FRMD4A: variants seen among roughly 807,000 people sequenced by gnomAD.
FRMD4A encodes FERM domain-containing protein 4A.
A neutral mutation model predicts 129.1 loss-of-function variants in FRMD4A; 29 were observed. The observed-to-expected ratio is 0.22, with a 90% CI of 0.17 to 0.31. The LOEUF (loss-of-function observed/expected upper bound fraction) is 0.31, where lower values mean the gene tolerates loss of function less well. Ranked by LOEUF, FRMD4A falls within the 10% of genes least tolerant of loss-of-function variation. The pLI is 1.00. For missense variants in FRMD4A, 1,272 were observed against 1,375.8 expected (o/e 0.92, Z 1.19); for synonymous variants, 634 against 571.6 (o/e 1.11, Z -1.56).
chr10:14,278,791 C>A (rs1306511370), intron 2 of FRMD4A, among the ~76,000 whole-genome samples: 1 of 152,136 alleles, frequency 6.6e-6, no homozygotes, highest in South Asian at 2.1e-4. Context: ...TCGATTTCTT[C>A]CTGTCTGACA....
At chr10:14,187,087 C>A (rs984748997) in intron 2 of FRMD4A, among the ~76,000 whole-genome samples, 8 of 140,450 alleles carry the variant, frequency 5.7e-5, no homozygotes, top group African/African-American at 2.1e-4. Context: ...CCTTTGTACT[C>A]TCGTTTGGGT....
At chr10:13,800,197 C>G (rs1284010459) in intron 4 of FRMD4A, among the ~76,000 whole-genome samples, 3 of 151,914 alleles carry the variant, frequency 2.0e-5, no homozygotes, top group Non-Finnish European at 4.4e-5. Flanking sequence ...ACAAAACAAA[C>G]AAACAAAAAA....
intron 2 of FRMD4A, among the ~76,000 whole-genome samples, chr10:14,118,860 C>A (rs1390593728): frequency 3.3e-5 from 5 of 152,174 alleles, no homozygotes; most frequent in Admixed American, 3.3e-4. Flanking sequence ...GGTAGGGACC[C>A]AGCCAAACCA....
intron 2 of FRMD4A, among the ~76,000 whole-genome samples, chr10:14,232,584 T>C (rs1311990293): frequency 1.3e-5 from 2 of 152,234 alleles, no homozygotes; most frequent in Admixed American, 1.3e-4. Context: ...TTTGTTTGTG[T>C]CATCTCTGAT....
At chr10:14,159,787 C>G (rs1290364380) in intron 2 of FRMD4A, among the ~76,000 whole-genome samples, 3 of 152,234 alleles carry the variant, frequency 2.0e-5, no homozygotes, top group East Asian at 1.9e-4. Context: ...CAGTGACTCC[C>G]TCCTGTAATC....
chr10:14,095,706 G>A (rs188034963), intron 2 of FRMD4A, among the ~76,000 whole-genome samples: 2 of 152,312 alleles, frequency 1.3e-5, no homozygotes, highest in Admixed American at 6.5e-5. Context: ...ATGAAACAAA[G>A]ACCACATGTG....
At chr10:14,105,164 A>G (rs1199069503) in intron 2 of FRMD4A, among the ~76,000 whole-genome samples, 3 of 152,216 alleles carry the variant, frequency 2.0e-5, no homozygotes, top group African/African-American at 7.2e-5. Flanking sequence ...GAAGAGCTAT[A>G]GGTCGTAGCT....
intron 2 of FRMD4A, among the ~76,000 whole-genome samples, chr10:13,988,231 T>A (rs1340603037): frequency 6.6e-6 from 1 of 152,230 alleles, no homozygotes; most frequent in African/African-American, 2.4e-5. Context: ...ATGTAGGAGT[T>A]ACAGAGTTTT....
At chr10:14,079,211 A>T (rs910734611) in intron 2 of FRMD4A, among the ~76,000 whole-genome samples, 1 of 152,170 alleles carries the variant, frequency 6.6e-6, no homozygotes, top group Non-Finnish European at 1.5e-5. Flanking sequence ...TGGGGAGTTT[A>T]CATACGGAGG....
chr10:14,280,816 T>C (rs1463878334), intron 2 of FRMD4A, among the ~76,000 whole-genome samples: 2 of 152,108 alleles, frequency 1.3e-5, no homozygotes, highest in East Asian at 3.9e-4. Flanking sequence ...CAATCTTCTC[T>C]ATTGATATTG....
chr10:14,026,201 C>G (rs1367375440), intron 2 of FRMD4A, among the ~76,000 whole-genome samples: 2 of 152,196 alleles, frequency 1.3e-5, no homozygotes, highest in Non-Finnish European at 2.9e-5. Context: ...AACTCCCCTC[C>G]CTGCATATCA....
At chr10:13,952,408 G>A (rs2095378811) in intron 2 of FRMD4A, among the ~76,000 whole-genome samples, 4 of 152,040 alleles carry the variant, frequency 2.6e-5, no homozygotes, top group Admixed American at 2.6e-4. Flanking sequence ...GGCTGAGGAT[G>A]GAGGATCACT....
At chr10:14,052,318 C>T (rs1834299172) in intron 2 of FRMD4A, among the ~76,000 whole-genome samples, 1 of 152,182 alleles carries the variant, frequency 6.6e-6, no homozygotes, top group Non-Finnish European at 1.5e-5. Context: ...ACAAGAAGCT[C>T]ATACACACAG....
chr10:13,747,326 C>T (rs2091343646), intron 9 of FRMD4A, among the ~76,000 whole-genome samples: 2 of 151,862 alleles, frequency 1.3e-5, no homozygotes, highest in South Asian at 4.1e-4. Context: ...TGAGTGAGGT[C>T]AGGAGTTTGA....
intron 2 of FRMD4A, among the ~76,000 whole-genome samples, chr10:14,238,462 A>G (rs1843911744): frequency 6.6e-6 from 1 of 152,102 alleles, no homozygotes; most frequent in Non-Finnish European, 1.5e-5. Flanking sequence ...CTTTTAACAT[A>G]TCTTTTTCCG....
intron 2 of FRMD4A, among the ~76,000 whole-genome samples, chr10:14,234,420 G>C (rs772557750): frequency 3.3e-5 from 5 of 152,122 alleles, no homozygotes; most frequent in Non-Finnish European, 7.3e-5. Context: ...TTCTCCATTG[G>C]TCCCCTGGAT....
At chr10:13,930,843 T>A (rs2095186339) in intron 2 of FRMD4A, among the ~76,000 whole-genome samples, 1 of 130,120 alleles carries the variant, frequency 7.7e-6, no homozygotes, top group South Asian at 2.6e-4. Flanking sequence ...ATTTGTTAAT[T>A]TTTTTTTAAG....
chr10:13,973,824 C>CAGAA (rs2095530562), intron 2 of FRMD4A, among the ~76,000 whole-genome samples: 1 of 152,134 alleles, frequency 6.6e-6, no homozygotes, highest in Middle Eastern at 3.4e-3. Flanking sequence ...AAAAAGCATA[C>CAGAA]AGTACGCAGA....
At chr10:13,906,869 T>C (rs74926920) in intron 2 of FRMD4A, among the ~76,000 whole-genome samples, 2,225 of 152,304 alleles carry the variant, frequency 0.015, 52 homozygotes, top group African/African-American at 0.05. Context: ...GCCCACAACC[T>C]TTCAGCAATT....
Sources: allele counts gnomAD v4.1 joint callset (sites outside exome capture counted in the v4.1 genomes callset), GRCh38; gene constraint gnomAD v4.1.1; transcripts MANE v1.5; gene names NCBI Gene and HGNC (gene_info 2026-07-23, HGNC 2026-07-21).